FSTL5: variants seen among roughly 807,000 people sequenced by gnomAD.
FSTL5 encodes follistatin like 5, also known as follistatin-related protein 5.
Under a neutral mutation model 89.1 loss-of-function variants are expected in FSTL5, and 62 were observed. The ratio of observed to expected loss-of-function variants is 0.70; its 90% CI spans 0.57 to 0.86. The LOEUF is 0.86. Among genes scored for constraint, FSTL5 ranks in the 40% least tolerant of loss-of-function variants. The pLI, the probability that FSTL5 is intolerant of heterozygous loss-of-function variation, is 0.00. For missense variants in FSTL5, 1,057 were observed against 1,001.6 expected, an observed-to-expected ratio of 1.06 and a Z score of -0.75; for synonymous variants, 383 against 346.2, an observed-to-expected ratio of 1.11 and a Z score of -1.18.
chr4:162,101,700 T>C (rs1358235328), intron 2 of FSTL5, among the ~76,000 whole-genome samples: 3 of 152,186 alleles, frequency 2.0e-5, no homozygotes, highest in Admixed American at 6.5e-5. Context: ...ATAAAACCCT[T>C]CCAGTTGTGG....
intron 4 of FSTL5, among the ~76,000 whole-genome samples, chr4:161,885,210 TA>T (rs761571447): frequency 3.9e-5 from 6 of 152,184 alleles, no homozygotes; most frequent in Non-Finnish European, 7.3e-5. Context: ...CCAGAAATTT[TA>T]AAAGTTAAAT....
chr4:161,392,990 C>G (rs1730872138), intron 15 of FSTL5, among the ~76,000 whole-genome samples: 1 of 151,956 alleles, frequency 6.6e-6, no homozygotes, highest in Non-Finnish European at 1.5e-5. Context: ...ATGACAAAAA[C>G]CTGTCTCTAT....
At chr4:162,148,885 C>A (rs1004564850) in intron 1 of FSTL5, among the ~76,000 whole-genome samples, 6 of 152,254 alleles carry the variant, frequency 3.9e-5, no homozygotes, top group Admixed American at 3.9e-4. Context: ...AGTGAGTGAA[C>A]TCTTCAGAAA....
In FSTL5 at chr4:162,024,388, C is replaced by A. The variant is rs149434858; in HGVS notation, c.160+9237G>T. Among the ~76,000 whole-genome samples the A allele has an allele frequency of 1.1e-4, 17 of 148,570 alleles. No homozygotes were observed. In the South Asian group the frequency reaches 3.7e-3, roughly 33 times the overall value. On this transcript the variant is annotated intron_variant, in intron 3 of 15. Transcript: ENST00000306100. ...GGACCTGACAGATATTTTGTCTTTACTTTTTATTTCCCTGGCACCTAACAC... is the reference window on the plus strand; with the variant it reads ...GGACCTGACAGATATTTTGTCTTTAATTTTTATTTCCCTGGCACCTAACAC...
chr4:161,674,330 A>G (rs1044063616), intron 6 of FSTL5, among the ~76,000 whole-genome samples: 5 of 152,140 alleles, frequency 3.3e-5, no homozygotes, highest in African/African-American at 1.2e-4. Flanking sequence ...TGAGGGGGAA[A>G]AAAAGGGAAG....
chr4:162,145,394 A>T (rs1732933458), intron 1 of FSTL5, among the ~76,000 whole-genome samples: 1 of 152,154 alleles, frequency 6.6e-6, no homozygotes, highest in African/African-American at 2.4e-5. Flanking sequence ...AGAGGTTTCC[A>T]TACAATATTT....
Position 161,616,359 on chromosome 4 carries a change from C to T in FSTL5, c.895-28784G>A, listed in dbSNP as rs112517287. Among the ~76,000 whole-genome samples the T allele has an allele frequency of 3.7e-3, 562 of 152,148 alleles. 3 individuals carry two copies. Among genetic ancestry groups the T allele is most frequent in the African/African-American group, 0.013 (527 of 41,524 alleles). The stretch of plus-strand genomic sequence containing the variant: ...CTTGGCCTCCCAAAGTGCTGAGGAA[C>T]GTGGAAACACTAGATTGGCTTAGTC... On this transcript the variant is annotated intron_variant, in intron 7 of 15. Transcript: ENST00000306100.
At chr4:162,060,101 T>C (rs578139458) in intron 2 of FSTL5, among the ~76,000 whole-genome samples, 2 of 152,232 alleles carry the variant, frequency 1.3e-5, no homozygotes, top group Non-Finnish European at 2.9e-5. Flanking sequence ...CACATCACAA[T>C]TGAAGTTAAT....
intron 6 of FSTL5, among the ~76,000 whole-genome samples, chr4:161,676,709 T>TA (rs1737317149): frequency 6.6e-6 from 1 of 150,978 alleles, no homozygotes; most frequent in South Asian, 2.1e-4. Context: ...AAAACAAACT[T>TA]ACAATTATTC....
intron 1 of FSTL5, among the ~76,000 whole-genome samples, chr4:162,157,949 A>G (rs10020018): frequency 0.011 from 1,603 of 152,228 alleles, 32 homozygotes; most frequent in African/African-American, 0.036. Context: ...GATAGAAACA[A>G]TAGAATAAAG....
chr4:161,885,246 T>A (rs1732770171), intron 4 of FSTL5, among the ~76,000 whole-genome samples: 1 of 152,184 alleles, frequency 6.6e-6, no homozygotes. Flanking sequence ...ATTTGATTCA[T>A]ATTTACATAA....
intron 2 of FSTL5, among the ~76,000 whole-genome samples, chr4:162,079,263 CAA>C (rs1398551078): frequency 5.9e-5 from 9 of 151,696 alleles, no homozygotes; most frequent in Non-Finnish European, 1.3e-4. Flanking sequence ...AATATCCTCT[CAA>C]GACGCATCCC....
At chr4:161,631,352 T>A (rs1207621824) in intron 7 of FSTL5, among the ~76,000 whole-genome samples, 1 of 152,174 alleles carries the variant, frequency 6.6e-6, no homozygotes, top group East Asian at 1.9e-4. Context: ...CCCGGCACGG[T>A]CATGCCTGTA....
At chr4:161,566,387 T>A (rs548404591) in intron 8 of FSTL5, among the ~76,000 whole-genome samples, 2 of 152,106 alleles carry the variant, frequency 1.3e-5, no homozygotes, top group East Asian at 3.9e-4. Context: ...TTCCACATCT[T>A]TACTATTGTG....
intron 1 of FSTL5, among the ~76,000 whole-genome samples, chr4:162,113,497 G>A (rs1438199576): frequency 2.0e-5 from 3 of 152,086 alleles, no homozygotes; most frequent in Non-Finnish European, 4.4e-5. Context: ...ACAAGAGCCT[G>A]AGTGATCATG....
intron 4 of FSTL5, among the ~76,000 whole-genome samples, chr4:161,903,676 T>A (rs1008963047): frequency 2.6e-5 from 4 of 152,078 alleles, no homozygotes; most frequent in Admixed American, 1.3e-4. Context: ...ATTCATAGGT[T>A]TTTTAATTGA....
At chr4:162,065,518 C>T (rs1358301304) in intron 2 of FSTL5, among the ~76,000 whole-genome samples, 1 of 151,936 alleles carries the variant, frequency 6.6e-6, no homozygotes, top group African/African-American at 2.4e-5. Context: ...TCACCTAGTA[C>T]ATGCGAGCAT....
At chr4:161,770,686 GA>G (rs1481020272) in intron 5 of FSTL5, among the ~76,000 whole-genome samples, 2 of 151,618 alleles carry the variant, frequency 1.3e-5, no homozygotes. Context: ...TTATGGGCAA[GA>G]AAAAAACTGC....
At chr4:161,670,294 A>C (rs560307899) in intron 6 of FSTL5, among the ~76,000 whole-genome samples, 1 of 152,308 alleles carries the variant, frequency 6.6e-6, no homozygotes, top group Admixed American at 6.5e-5. Flanking sequence ...CTATATGTTA[A>C]CAAATGTGTT....
Sources: allele counts gnomAD v4.1 joint callset (sites outside exome capture counted in the v4.1 genomes callset), GRCh38; gene constraint gnomAD v4.1.1; transcripts MANE v1.5; gene names NCBI Gene and HGNC (gene_info 2026-07-23, HGNC 2026-07-21).